The following LRP1B variants were observed in gnomAD, a reference collection of about 807,000 sequenced individuals.
The protein encoded by LRP1B is low-density lipoprotein receptor-related protein 1B.
LRP1B carries 217 observed loss-of-function variants against 556.6 expected under a neutral mutation model. The observed-to-expected ratio is 0.39, with a 90% CI of 0.35 to 0.44. The LOEUF is 0.44. LRP1B is among the 20% of genes least tolerant of loss of function. LRP1B has a pLI of 1.00. For missense variants in LRP1B, 5,053 were observed against 5,620.8 expected (o/e 0.90, Z 3.23); for synonymous variants, 2,047 against 1,865.8 (o/e 1.10, Z -2.50).
At chr2:140,793,412 G>T (rs12472556) in intron 32 of LRP1B, among the ~76,000 whole-genome samples, 15 of 151,790 alleles carry the variant, frequency 9.9e-5, no homozygotes, top group Non-Finnish European at 1.8e-4. Context: ...ACTTCAAATG[G>T]CTGCTCTTAT....
intron 41 of LRP1B, among the ~76,000 whole-genome samples, chr2:140,667,060 A>C (rs1195767182): frequency 2.0e-5 from 3 of 152,212 alleles, no homozygotes; most frequent in Non-Finnish European, 2.9e-5. Flanking sequence ...GTTTAAAATA[A>C]GGAGCTAGGA....
At chr2:140,246,923 G>A (rs1681189563) in intron 87 of LRP1B, among the ~76,000 whole-genome samples, 163 bp downstream of exon 87, 1 of 151,568 alleles carries the variant, frequency 6.6e-6, no homozygotes, top group African/African-American at 2.4e-5. Context: ...CCTGTAATTA[G>A]ATGAAAGCTC....
At chr2:141,944,352 T>C (rs1317979408) in intron 1 of LRP1B, among the ~76,000 whole-genome samples, 1 of 152,194 alleles carries the variant, frequency 6.6e-6, no homozygotes, top group South Asian at 2.1e-4. Context: ...CTCTTAAATG[T>C]GAAAGTCCCA....
intron 67 of LRP1B, among the ~76,000 whole-genome samples, chr2:140,379,346 T>C (rs537110919): frequency 2.0e-5 from 3 of 152,268 alleles, no homozygotes; most frequent in Non-Finnish European, 4.4e-5. Context: ...TTTCTACATA[T>C]AGAGTAACAT....
At chr2:140,856,563 T>G (rs1692623163) in intron 27 of LRP1B, among the ~76,000 whole-genome samples, 1 of 152,182 alleles carries the variant, frequency 6.6e-6, no homozygotes, top group African/African-American at 2.4e-5. Context: ...ATAGTAATTA[T>G]TCAACTCTGC....
At chr2:140,634,276 G>A (rs181333471) in intron 41 of LRP1B, among the ~76,000 whole-genome samples, 1 of 152,180 alleles carries the variant, frequency 6.6e-6, no homozygotes, top group African/African-American at 2.4e-5. Context: ...CAGCAAAGTA[G>A]AAGTACAGAA....
At chr2:140,315,213 T>TTTATGG in intron 82 of LRP1B, 114 bp from the exon 83 acceptor site, 1 of 660,112 alleles carries the variant, frequency 1.5e-6, no homozygotes, top group Non-Finnish European at 2.4e-6. Flanking sequence ...ATAAAATAAT[T>TTTATGG]AACCCCAAGT....
rs796102386 is a variant in LRP1B at position 140,904,605 on chromosome 2, G to A, written c.3521-1440C>T. ...ATTTGTCACCATCAAAGAAGCTACAGTAATAAGAAAAGGAAAATGATTGTA... is the reference window on the plus strand; with the variant it reads ...ATTTGTCACCATCAAAGAAGCTACAATAATAAGAAAAGGAAAATGATTGTA... On this transcript the variant is annotated intron_variant, in intron 22 of 90. Coordinates refer to ENST00000389484, the MANE Select transcript of LRP1B (RefSeq NM_018557.3). Among the ~76,000 whole-genome samples the A allele has an allele frequency of 2.0e-4, 31 of 152,146 alleles. 1 individual carries two copies. Among genetic ancestry groups the A allele is most frequent in the African/African-American group, 7.5e-4 (31 of 41,532 alleles).
At chr2:140,722,523 T>C (rs1687448843) in intron 35 of LRP1B, among the ~76,000 whole-genome samples, 1 of 152,192 alleles carries the variant, frequency 6.6e-6, no homozygotes, top group African/African-American at 2.4e-5. Context: ...TTAATACCTC[T>C]TAGTACAGTT....
At chr2:140,506,652 G>T in intron 53 of LRP1B, 144 bp downstream of exon 53, 1 of 739,050 alleles carries the variant, frequency 1.4e-6, no homozygotes, top group Non-Finnish European at 2.3e-6. Flanking sequence ...AGTTATATGT[G>T]CTGTGATTGT....
intron 18 of LRP1B, among the ~76,000 whole-genome samples, chr2:140,958,755 T>C (rs547453841): frequency 2.0e-5 from 3 of 151,764 alleles, no homozygotes; most frequent in Non-Finnish European, 4.4e-5. Flanking sequence ...AGAACACATG[T>C]ATAAAACCTG....
intron 2 of LRP1B, chr2:141,805,855 C>T (rs1215048327): frequency 6.6e-6 from 1 of 152,000 alleles, no homozygotes; most frequent in Non-Finnish European, 1.5e-5. Flanking sequence ...GCATGCTGAC[C>T]CTTGTAGGAC....
intron 35 of LRP1B, among the ~76,000 whole-genome samples, chr2:140,767,152 A>G (rs1689149723): frequency 6.6e-6 from 1 of 151,782 alleles, no homozygotes; most frequent in African/African-American, 2.4e-5. Flanking sequence ...GTAGATCTCT[A>G]ACCTTCTTTG....
At chr2:140,974,232 A>G (rs553975041) in intron 18 of LRP1B, among the ~76,000 whole-genome samples, 11 of 152,314 alleles carry the variant, frequency 7.2e-5, no homozygotes, top group Admixed American at 6.5e-4. Context: ...GGAATTAATT[A>G]CCCTCTGAAA....
Position 140,692,128 on chromosome 2 carries a change from C to T in LRP1B, c.6799+8122G>A, listed in dbSNP as rs190946159. ...AGTTGCCTTCTGTTTCTAATGAAAACGCCTCACGTAATGATTATATAATTA... is the reference window on the plus strand; with the variant it reads ...AGTTGCCTTCTGTTTCTAATGAAAATGCCTCACGTAATGATTATATAATTA... On this transcript the variant is annotated intron_variant, in intron 41 of 90. Transcript: ENST00000389484. Among the ~76,000 whole-genome samples the T allele has an allele frequency of 2.9e-3, 443 of 152,072 alleles. 1 individual carries two copies. The highest frequency in any genetic ancestry group is 4.6e-3 in the Non-Finnish European group (313 of 67,936).
chr2:141,976,915 T>C (rs115152929), intron 1 of LRP1B, among the ~76,000 whole-genome samples: 2,984 of 152,222 alleles, frequency 0.02, 43 homozygotes, highest in South Asian at 0.032. Context: ...GAAAATAAAA[T>C]GGGGAAGACA....
At chr2:141,546,333 G>A (rs1455696668) in intron 2 of LRP1B, among the ~76,000 whole-genome samples, 1 of 152,070 alleles carries the variant, frequency 6.6e-6, no homozygotes, top group Non-Finnish European at 1.5e-5. Flanking sequence ...TTTGCTCATG[G>A]TCAAAAAGCT....
chr2:140,684,567 T>A (rs1685980577), intron 41 of LRP1B, among the ~76,000 whole-genome samples: 1 of 152,206 alleles, frequency 6.6e-6, no homozygotes, highest in Non-Finnish European at 1.5e-5. Flanking sequence ...GTTTTTGCCA[T>A]TTTCAGATAT....
At chr2:141,353,144 C>T (rs954592660) in intron 3 of LRP1B, among the ~76,000 whole-genome samples, 3 of 151,816 alleles carry the variant, frequency 2.0e-5, no homozygotes, top group Non-Finnish European at 4.4e-5. Flanking sequence ...ATCATATTTC[C>T]CAACATCCCT....
Sources: allele counts gnomAD v4.1 joint callset (sites outside exome capture counted in the v4.1 genomes callset), GRCh38; gene constraint gnomAD v4.1.1; transcripts MANE v1.5; gene names NCBI Gene and HGNC (gene_info 2026-07-23, HGNC 2026-07-21).